TP73: variants seen among roughly 807,000 people sequenced by gnomAD.
The protein encoded by TP73 is tumor protein p73.
A neutral mutation model predicts 62.5 loss-of-function variants in TP73; 25 were observed. That is an observed-to-expected ratio of 0.40 (90% confidence interval 0.29 to 0.56). TP73 has a LOEUF of 0.56. Ranked by LOEUF, TP73 falls within the 20% of genes least tolerant of loss-of-function variation. The pLI is 0.46. For synonymous variants in TP73, 423 were observed against 377.5 expected (o/e 1.12, Z -1.40); for missense variants, 754 against 913.3 (o/e 0.83, Z 2.25).
At chr1:3,704,710 A>C (rs908276374) in intron 3 of TP73, among the ~76,000 whole-genome samples, 1 of 152,176 alleles carries the variant, frequency 6.6e-6, no homozygotes, top group Admixed American at 6.5e-5. Context: ...GACACCTCAG[A>C]GGCCTCTTGG....
chr1:3,715,902 C>T (rs969110966), intron 4 of TP73, among the ~76,000 whole-genome samples: 3 of 152,204 alleles, frequency 2.0e-5, no homozygotes, highest in African/African-American at 7.2e-5. Flanking sequence ...CTAGAGGCAG[C>T]CGTGCATGGG....
intron 1 of TP73, among the ~76,000 whole-genome samples, chr1:3,652,917 G>T (rs1644786675): frequency 6.6e-6 from 1 of 152,312 alleles, no homozygotes; most frequent in Admixed American, 6.5e-5. Context: ...AGACAGCCCC[G>T]CAGGGGTTCC....
intron 4 of TP73, among the ~76,000 whole-genome samples, chr1:3,715,744 C>G (rs1260478047): frequency 6.6e-6 from 1 of 152,106 alleles, no homozygotes; most frequent in Non-Finnish European, 1.5e-5. Flanking sequence ...CACTAGGCCC[C>G]TCTTATCTCC....
intron 1 of TP73, among the ~76,000 whole-genome samples, chr1:3,661,506 C>T (rs576700155): frequency 1.1e-3 from 172 of 151,630 alleles, no homozygotes; most frequent in Non-Finnish European, 2.1e-3. Flanking sequence ...CCCAGGAGTT[C>T]GAGACCAGCC....
At chr1:3,729,016 C>G (rs1203205142) in intron 9 of TP73, among the ~76,000 whole-genome samples, 1 of 150,106 alleles carries the variant, frequency 6.7e-6, no homozygotes, top group African/African-American at 2.4e-5. Flanking sequence ...GACAGAGAGA[C>G]AGAGAGAGAC....
chr1:3,730,979 GAGC>G lies in TP73; in HGVS notation c.1405_1407del (p.Ser469del), dbSNP rs759870057. On this transcript the variant is annotated inframe_deletion, in exon 12 of 14. Coordinates refer to ENST00000378295, the MANE Select transcript of TP73 (RefSeq NM_005427.4). ...ACGCAGTGCCAGCCAACGGCGAGAT[GAGC>G]AGCAGCCACAGCGCCCAGTCCATGG... 2 of 1,612,032 alleles carry G rather than the reference GAGC, an allele frequency of 1.2e-6. No individual in the cohort carries two copies. Among genetic ancestry groups the G allele is most frequent in the Non-Finnish European group, 1.7e-6 (2 of 1,179,704 alleles).
At chr1:3,667,168 G>T (rs1645137605) in intron 1 of TP73, among the ~76,000 whole-genome samples, 2 of 152,222 alleles carry the variant, frequency 1.3e-5, no homozygotes. Context: ...ATTGTCCCAG[G>T]GCCTCCAGAA....
intron 9 of TP73, 114 bp downstream of exon 9, chr1:3,728,331 G>A: frequency 9.0e-7 from 1 of 1,112,302 alleles, no homozygotes; most frequent in South Asian, 1.4e-5. Flanking sequence ...GGGGGCGGGA[G>A]GAGCCCAGCC....
intron 3 of TP73, among the ~76,000 whole-genome samples, chr1:3,687,905 T>A (rs534489750): frequency 1.3e-5 from 2 of 151,958 alleles, no homozygotes; most frequent in African/African-American, 4.8e-5. Context: ...ACACCCGGGG[T>A]CAGAACCTTC....
intron 3 of TP73, among the ~76,000 whole-genome samples, chr1:3,693,489 G>A (rs1288036237): frequency 6.6e-6 from 1 of 152,168 alleles, no homozygotes; most frequent in Non-Finnish European, 1.5e-5. Context: ...TGTGGGCTTG[G>A]GGTCTGTCTC....
At chr1:3,713,393 C>T (rs1640322892) in intron 4 of TP73, among the ~76,000 whole-genome samples, 1 of 152,194 alleles carries the variant, frequency 6.6e-6, no homozygotes. Context: ...GAAAGAGAGG[C>T]CCACAGGGGA....
intron 1 of TP73, among the ~76,000 whole-genome samples, chr1:3,669,404 C>A (rs999687272): frequency 2.0e-5 from 3 of 152,236 alleles, no homozygotes; most frequent in African/African-American, 4.8e-5. Flanking sequence ...AGTGGCACAT[C>A]AGGGCTCCTC....
intron 3 of TP73, 64 bp downstream of exon 3, chr1:3,683,244 G>A (rs1286321339): frequency 2.0e-6 from 3 of 1,522,928 alleles, no homozygotes; most frequent in African/African-American, 1.4e-5. Context: ...GGCCTGTCCT[G>A]TCTTGGGAGC....
chr1:3,684,330 C>T (rs955951710), intron 3 of TP73, among the ~76,000 whole-genome samples: 2 of 152,174 alleles, frequency 1.3e-5, no homozygotes, highest in African/African-American at 2.4e-5. Flanking sequence ...GGGGCAGGGT[C>T]GGGCCTCCCT....
chr1:3,717,473 A>G (rs1640704088), intron 4 of TP73, among the ~76,000 whole-genome samples: 1 of 152,266 alleles, frequency 6.6e-6, no homozygotes, highest in Non-Finnish European at 1.5e-5. Context: ...ACAGCCGAAG[A>G]TAAATACGAT....
intron 1 of TP73, among the ~76,000 whole-genome samples, chr1:3,679,165 G>A (rs549284217): frequency 2.0e-5 from 3 of 152,314 alleles, no homozygotes; most frequent in East Asian, 1.9e-4. Flanking sequence ...AAGAAGGGTC[G>A]CTGTTCCTCA....
At chr1:3,720,239 G>A (rs937545275) in intron 4 of TP73, among the ~76,000 whole-genome samples, 7 of 152,138 alleles carry the variant, frequency 4.6e-5, no homozygotes, top group South Asian at 2.1e-4. Flanking sequence ...TCTAAACAGC[G>A]CCCAGCCTCC....
intron 3 of TP73, among the ~76,000 whole-genome samples, chr1:3,692,871 C>T (rs1431639983): frequency 6.6e-6 from 1 of 152,120 alleles, no homozygotes; most frequent in Non-Finnish European, 1.5e-5. Flanking sequence ...CTGCCCTGGC[C>T]TGCAGACCCT....
intron 1 of TP73, among the ~76,000 whole-genome samples, chr1:3,654,894 A>G (rs2101990294): frequency 6.6e-6 from 1 of 152,338 alleles, no homozygotes; most frequent in South Asian, 2.1e-4. Flanking sequence ...AACACTGAGC[A>G]CGTGTGAAAG....
Sources: allele counts gnomAD v4.1 joint callset (sites outside exome capture counted in the v4.1 genomes callset), GRCh38; gene constraint gnomAD v4.1.1; transcripts MANE v1.5; gene names NCBI Gene and HGNC (gene_info 2026-07-23, HGNC 2026-07-21).